The following PRKN variants were observed in gnomAD, a reference collection of about 807,000 sequenced individuals.
PRKN encodes the protein E3 ubiquitin-protein ligase parkin.
In PRKN, 56 loss-of-function variants were observed where a neutral mutation model predicts 59.5. The observed-to-expected ratio is 0.94, with a 90% confidence interval of 0.76 to 1.18. PRKN has a LOEUF of 1.18. PRKN is among the 50% of genes most tolerant of loss of function. PRKN has a pLI of 0.00. For missense variants in PRKN, 657 were observed against 596.4 expected, an observed-to-expected ratio of 1.10 and a Z score of -1.06; for synonymous variants, 250 against 222.1, an observed-to-expected ratio of 1.13 and a Z score of -1.12.
At chr6:162,676,388 T>C (rs1439095400) in intron 1 of PRKN, among the ~76,000 whole-genome samples, 1 of 152,132 alleles carries the variant, frequency 6.6e-6, no homozygotes, top group African/African-American at 2.4e-5. Flanking sequence ...AAAATAAAAC[T>C]TTATTGTCAG....
intron 2 of PRKN, among the ~76,000 whole-genome samples, chr6:162,370,445 T>G (rs1785697221): frequency 6.6e-6 from 1 of 152,200 alleles, no homozygotes; most frequent in African/African-American, 2.4e-5. Flanking sequence ...TTTTATTGGC[T>G]TGAGGTATCC....
intron 5 of PRKN, among the ~76,000 whole-genome samples, chr6:162,040,267 C>A (rs533120918): frequency 1.3e-5 from 2 of 152,086 alleles, no homozygotes; most frequent in Non-Finnish European, 2.9e-5. Flanking sequence ...GTGTACAGGT[C>A]AACAAAAGAG....
rs1180718090 is a variant in PRKN at position 161,410,416 on chromosome 6, C to A, written c.1084-23539G>T. 1.3e-5 allele frequency among the ~76,000 whole-genome samples: 2 copies of A among 152,112 alleles called. No homozygotes were observed. Among genetic ancestry groups the A allele is most frequent in the Non-Finnish European group, 2.9e-5 (2 of 68,036 alleles). ...GCACGTACAATCCCTGAGCTATGAA[C>A]AGTGGCACCAGCTTTTAAGTAAGGA... On this transcript the variant is annotated intron_variant, in intron 9 of 11. Coordinates refer to ENST00000366898, the MANE Select transcript of PRKN (RefSeq NM_004562.3). This position sits in a 1 kb window ranked among gnomAD's most constrained non-coding sequence, Gnocchi z 5.3.
At chr6:162,188,184 C>T (rs1784110584) in intron 4 of PRKN, among the ~76,000 whole-genome samples, 1 of 152,154 alleles carries the variant, frequency 6.6e-6, no homozygotes, top group Non-Finnish European at 1.5e-5. Flanking sequence ...ACTGTAAATC[C>T]AATAAACCTC....
intron 4 of PRKN, among the ~76,000 whole-genome samples, chr6:162,057,778 A>T (rs894317220): frequency 6.6e-6 from 1 of 152,254 alleles, no homozygotes; most frequent in Non-Finnish European, 1.5e-5. Context: ...TGACAGGAGC[A>T]AAGTTAAACG....
At chr6:161,817,435 A>G (rs901200149) in intron 6 of PRKN, among the ~76,000 whole-genome samples, 1 of 152,180 alleles carries the variant, frequency 6.6e-6, no homozygotes, top group African/African-American at 2.4e-5. Flanking sequence ...GACAAGGACA[A>G]ATTTTCCAAT....
At chr6:161,613,026 T>G (rs1160186180) in intron 7 of PRKN, among the ~76,000 whole-genome samples, 1 of 152,166 alleles carries the variant, frequency 6.6e-6, no homozygotes, top group Non-Finnish European at 1.5e-5. Context: ...AAGAAATATA[T>G]TTCATAAGGA....
Position 161,353,176 on chromosome 6 carries a change from CAGGCGCCAGAAAA to C in PRKN, c.1286-2978_1286-2966del. On this transcript the variant is annotated intron_variant, in intron 11 of 11. Transcript: ENST00000366898. The surrounding 1 kb of genome is among the most constrained non-coding windows in gnomAD (Gnocchi z 4.8). Reference sequence around the variant, plus strand: ...GTTGGGGCAATTCAGGCCTCAGAAACAGGCGCCAGAAAAGAGAATCTCTCCCTCCGACCTTTCC... The same window carrying C: ...GTTGGGGCAATTCAGGCCTCAGAAACGAGAATCTCTCCCTCCGACCTTTCC... Among the ~76,000 whole-genome samples the C allele has an allele frequency of 6.6e-6, 1 of 152,284 alleles. No individual in the cohort carries two copies. Among genetic ancestry groups the C allele is most frequent in the South Asian group, 2.1e-4 (1 of 4,826 alleles).
chr6:162,584,690 T>C (rs1156977972), intron 1 of PRKN, among the ~76,000 whole-genome samples: 1 of 151,892 alleles, frequency 6.6e-6, no homozygotes, highest in Non-Finnish European at 1.5e-5. Flanking sequence ...TTCAGAAATA[T>C]TGTCAAAGTT....
In PRKN at chr6:161,454,635, T is replaced by C. The variant is rs909044246; in HGVS notation, c.1084-67758A>G. Among the ~76,000 whole-genome samples the C allele has an allele frequency of 1.3e-5, 2 of 152,198 alleles. No homozygotes were observed. Among genetic ancestry groups the C allele is most frequent in the African/African-American group, 4.8e-5 (2 of 41,446 alleles). ...TTTTGGGGGAACTTTGCGCCAGCAT[T>C]GTAGTTATACTGAAATTTAGAATAT... is the stretch of plus-strand genomic sequence containing the variant. On this transcript the variant is annotated intron_variant, in intron 9 of 11. Transcript: ENST00000366898. The surrounding 1 kb of genome is among the most constrained non-coding windows in gnomAD (Gnocchi z 4.6).
At chr6:162,244,147 C>T (rs1236586563) in intron 3 of PRKN, among the ~76,000 whole-genome samples, 1 of 152,096 alleles carries the variant, frequency 6.6e-6, no homozygotes, top group African/African-American at 2.4e-5. Flanking sequence ...TTGTCTGGTT[C>T]AGCAGCTAAG....
intron 3 of PRKN, among the ~76,000 whole-genome samples, chr6:162,220,856 T>C (rs995775215): frequency 6.6e-6 from 1 of 152,196 alleles, no homozygotes; most frequent in Non-Finnish European, 1.5e-5. Context: ...GAAACAGGCA[T>C]ATAGAGACTA....
intron 4 of PRKN, among the ~76,000 whole-genome samples, chr6:162,187,539 C>A (rs1261507687): frequency 6.6e-6 from 1 of 152,110 alleles, no homozygotes; most frequent in East Asian, 1.9e-4. Context: ...TATACACCAC[C>A]CCTCCAGCAA....
chr6:162,411,135 T>G (rs79084151), intron 2 of PRKN, among the ~76,000 whole-genome samples: 11,756 of 152,216 alleles, frequency 0.077, 589 homozygotes, highest in Middle Eastern at 0.11. Flanking sequence ...GAATTTACTT[T>G]TAAAAAGGTT....
At chr6:162,554,650 G>A (rs1353079354) in intron 1 of PRKN, among the ~76,000 whole-genome samples, 1 of 152,140 alleles carries the variant, frequency 6.6e-6, no homozygotes, top group Non-Finnish European at 1.5e-5. Context: ...GGAGCACAGC[G>A]CAGCGCAATG....
chr6:162,377,687 C>T (rs1037523451), intron 2 of PRKN, among the ~76,000 whole-genome samples: 15 of 152,266 alleles, frequency 9.9e-5, no homozygotes, highest in African/African-American at 3.1e-4. Flanking sequence ...GGGCTGCCAG[C>T]ACTGGGACAG....
At chr6:161,427,360 T>G (rs1467371430) in intron 9 of PRKN, among the ~76,000 whole-genome samples, 1 of 152,126 alleles carries the variant, frequency 6.6e-6, no homozygotes, top group Non-Finnish European at 1.5e-5. Context: ...CCCTAACTGG[T>G]AGGTACTATT....
intron 4 of PRKN, among the ~76,000 whole-genome samples, chr6:162,165,145 A>C (rs1782921476): frequency 6.7e-6 from 1 of 149,100 alleles, no homozygotes; most frequent in African/African-American, 2.5e-5. Flanking sequence ...ATCCATATAG[A>C]TATCCATACC....
At chr6:161,831,803 A>G (rs1562323869) in intron 6 of PRKN, among the ~76,000 whole-genome samples, 1 of 151,978 alleles carries the variant, frequency 6.6e-6, no homozygotes, top group East Asian at 1.9e-4. Context: ...AAACAGGGAG[A>G]GGAGGCAGAA....
Sources: gnomAD v4.1 joint callset for allele counts (sites outside exome capture counted in the v4.1 genomes callset) on GRCh38, gnomAD v4.1.1 for gene constraint, Gnocchi (gnomAD v3.1) non-coding constraint, MANE v1.5 for transcripts, NCBI Gene and HGNC (gene_info 2026-07-23, HGNC 2026-07-21) for gene names.